THSD7A: variants seen among roughly 807,000 people sequenced by gnomAD.
The protein encoded by THSD7A is thrombospondin type-1 domain-containing protein 7A.
Under a neutral mutation model 231.3 loss-of-function variants are expected in THSD7A, and 96 were observed. The observed-to-expected ratio is 0.41, with a 90% CI of 0.35 to 0.49. THSD7A has a LOEUF of 0.49. Among genes scored for constraint, THSD7A ranks in the 20% least tolerant of loss-of-function variants. The probability of loss-of-function intolerance (pLI) is 0.05; values close to 1 mark genes in which losing one functional copy is unlikely to be tolerated. For missense variants in THSD7A, 2,290 were observed against 2,070.2 expected (o/e 1.11, Z -2.06); for synonymous variants, 940 against 743.3 (o/e 1.26, Z -4.30).
At chr7:11,629,876 A>T (rs1781593125) in intron 2 of THSD7A, among the ~76,000 whole-genome samples, 1 of 152,176 alleles carries the variant, frequency 6.6e-6, no homozygotes. Context: ...AAAAGTTGAA[A>T]GGCTTTTAGA....
chr7:11,376,518 T>C (rs1228570975), intron 27 of THSD7A, 52 bp downstream of exon 27: 2 of 1,365,140 alleles, frequency 1.5e-6, no homozygotes, highest in East Asian at 5.0e-5. Context: ...GTTTGCTGTT[T>C]CTGTGTTACG....
intron 11 of THSD7A, 25 bp downstream of exon 11, chr7:11,460,637 T>A: frequency 6.4e-7 from 1 of 1,571,620 alleles, no homozygotes; most frequent in Non-Finnish European, 8.7e-7. Context: ...GCTGGAGAAA[T>A]GAACTGTGGA....
intron 7 of THSD7A, among the ~76,000 whole-genome samples, chr7:11,476,235 GT>G (rs1440650975): frequency 4.7e-5 from 7 of 150,474 alleles, no homozygotes; most frequent in Non-Finnish European, 7.4e-5. Flanking sequence ...AATTCCTACA[GT>G]TTATACAATA....
At chr7:11,810,039 C>T (rs886987740) in intron 1 of THSD7A, among the ~76,000 whole-genome samples, 9 of 152,064 alleles carry the variant, frequency 5.9e-5, no homozygotes, top group African/African-American at 2.2e-4. Flanking sequence ...ACATTTGGAA[C>T]TCAAGCAGAC....
intron 1 of THSD7A, among the ~76,000 whole-genome samples, chr7:11,798,929 T>TC (rs1273289398): frequency 7.3e-6 from 1 of 137,294 alleles, no homozygotes; most frequent in East Asian, 2.0e-4. Flanking sequence ...GTTGAACAAC[T>TC]CTTTTTTTTT....
At chr7:11,769,576 G>T (rs1213038124) in intron 1 of THSD7A, among the ~76,000 whole-genome samples, 1 of 151,884 alleles carries the variant, frequency 6.6e-6, no homozygotes, top group Non-Finnish European at 1.5e-5. Context: ...GCAAAATTCT[G>T]ATTATGTTTA....
intron 6 of THSD7A, among the ~76,000 whole-genome samples, chr7:11,482,271 A>C (rs1786458480): frequency 6.6e-6 from 1 of 152,192 alleles, no homozygotes; most frequent in South Asian, 2.1e-4. Context: ...CTGCCCATTA[A>C]GTACTAATTT....
At chr7:11,494,548 T>C (rs1787022685) in intron 6 of THSD7A, among the ~76,000 whole-genome samples, 1 of 152,020 alleles carries the variant, frequency 6.6e-6, no homozygotes, top group Non-Finnish European at 1.5e-5. Flanking sequence ...CATCCAGGGA[T>C]GAAAGGAAAG....
intron 1 of THSD7A, among the ~76,000 whole-genome samples, chr7:11,749,100 T>C (rs1782414317): frequency 6.6e-6 from 1 of 151,980 alleles, no homozygotes; most frequent in South Asian, 2.1e-4. Flanking sequence ...CGATTTGTGG[T>C]CCGGTCATGA....
intron 23 of THSD7A, among the ~76,000 whole-genome samples, chr7:11,394,015 A>C (rs1047925110): frequency 6.6e-6 from 1 of 152,170 alleles, no homozygotes; most frequent in Non-Finnish European, 1.5e-5. Context: ...AATACAGAGA[A>C]CACCACAAAG....
chr7:11,681,964 A>C (rs1783888139), intron 1 of THSD7A, among the ~76,000 whole-genome samples: 2 of 152,068 alleles, frequency 1.3e-5, no homozygotes, highest in Admixed American at 1.3e-4. Flanking sequence ...TAGCAGTCTT[A>C]AAAAAAGAAA....
At chr7:11,461,964 A>G in intron 10 of THSD7A, 47 bp downstream of exon 10, 1 of 1,593,516 alleles carries the variant, frequency 6.3e-7, no homozygotes, top group Non-Finnish European at 8.6e-7. Flanking sequence ...TGTGGAGTTG[A>G]CGTATTTGTT....
chr7:11,683,448 T>C (rs1054316136), intron 1 of THSD7A, among the ~76,000 whole-genome samples: 1 of 151,764 alleles, frequency 6.6e-6, no homozygotes, highest in Non-Finnish European at 1.5e-5. Context: ...GTTATTTTTC[T>C]GAAAAGATAA....
intron 23 of THSD7A, among the ~76,000 whole-genome samples, chr7:11,400,369 C>G (rs1003107128): frequency 6.6e-6 from 1 of 152,108 alleles, no homozygotes; most frequent in Admixed American, 6.6e-5. Context: ...TAACTTTTCT[C>G]CCTTCTGTAG....
intron 24 of THSD7A, 159 bp from the exon 25 acceptor site, chr7:11,379,871 C>A: frequency 1.4e-6 from 1 of 740,724 alleles, no homozygotes; most frequent in South Asian, 1.7e-5. Context: ...ACCTTGACCA[C>A]CTTATGTAGT....
At chr7:11,481,702 G>T in intron 7 of THSD7A, 86 bp downstream of exon 7, 1 of 1,349,064 alleles carries the variant, frequency 7.4e-7, no homozygotes, top group Non-Finnish European at 1.0e-6. Context: ...GACTTTCATA[G>T]AATATCATCT....
chr7:11,448,865 G>A (rs1159507434), intron 11 of THSD7A, among the ~76,000 whole-genome samples: 3 of 151,932 alleles, frequency 2.0e-5, no homozygotes, highest in Non-Finnish European at 2.9e-5. Flanking sequence ...ACTTTGGAAG[G>A]GCCAGTTTGT....
At chr7:11,574,231 T>C (rs1790778053) in intron 4 of THSD7A, among the ~76,000 whole-genome samples, 1 of 134,982 alleles carries the variant, frequency 7.4e-6, no homozygotes, top group South Asian at 2.6e-4. Context: ...TGCTCTTTGA[T>C]ATTTTCTTAT....
chr7:11,666,775 A>G (rs1026547473), intron 1 of THSD7A, among the ~76,000 whole-genome samples: 2 of 151,570 alleles, frequency 1.3e-5, no homozygotes, highest in African/African-American at 2.4e-5. Flanking sequence ...GCATATAAAG[A>G]CTTTTTTAAA....
Sources: gnomAD v4.1 joint callset for allele counts (sites outside exome capture counted in the v4.1 genomes callset) on GRCh38, gnomAD v4.1.1 for gene constraint, MANE v1.5 for transcripts, NCBI Gene and HGNC (gene_info 2026-07-23, HGNC 2026-07-21) for gene names.